TBC1D4: variants seen among roughly 807,000 people sequenced by gnomAD.
TBC1D4 encodes the protein TBC1 domain family member 4.
TBC1D4 carries 121 observed loss-of-function variants against 142.5 expected under a neutral mutation model. That is an observed-to-expected ratio of 0.85 (90% CI 0.73 to 0.99). The LOEUF (loss-of-function observed/expected upper bound fraction) is 0.99, where lower values mean the gene tolerates loss of function less well. Among genes scored for constraint, TBC1D4 ranks in the 50% least tolerant of loss-of-function variants. The pLI, the probability that TBC1D4 is intolerant of heterozygous loss-of-function variation, is 0.00. For missense variants in TBC1D4, 1,475 were observed against 1,606.6 expected, an observed-to-expected ratio of 0.92 and a Z score of 1.40; for synonymous variants, 630 against 628.2, an observed-to-expected ratio of 1.00 and a Z score of -0.04.
intron 4 of TBC1D4, among the ~76,000 whole-genome samples, chr13:75,354,121 A>G (rs1881841296): frequency 6.6e-6 from 1 of 152,252 alleles, no homozygotes; most frequent in African/African-American, 2.4e-5. Flanking sequence ...AGAGCTTGTA[A>G]GACGAACGAC....
chr13:75,453,202 A>T (rs890248188), intron 1 of TBC1D4, among the ~76,000 whole-genome samples: 2 of 151,806 alleles, frequency 1.3e-5, no homozygotes, highest in Admixed American at 6.6e-5. Context: ...TAAGATTTTT[A>T]GGTAGCATTT....
chr13:75,308,366 G>T (rs1436354025), intron 14 of TBC1D4, among the ~76,000 whole-genome samples: 1 of 152,122 alleles, frequency 6.6e-6, no homozygotes, highest in Non-Finnish European at 1.5e-5. Context: ...AATACTGTGG[G>T]GTGCTGGGGA....
chr13:75,408,933 T>C (rs1885466406), intron 1 of TBC1D4, among the ~76,000 whole-genome samples: 1 of 152,152 alleles, frequency 6.6e-6, no homozygotes. Flanking sequence ...TATTATTAAG[T>C]TGTAAAAATT....
chr13:75,344,300 A>C (rs184222177), intron 5 of TBC1D4, among the ~76,000 whole-genome samples: 85 of 152,394 alleles, frequency 5.6e-4, no homozygotes, highest in Admixed American at 2.3e-3. Flanking sequence ...AAAGAGGAAA[A>C]GAAAAATAAA....
At position 75,286,842 on chromosome 13, in the gene TBC1D4, C is replaced by CT; in HGVS notation, c.3846dup (p.Asp1283ArgfsTer7). The stretch of plus-strand genomic sequence containing the variant: ...TTGTTGTTAGGGTTGCAGTTTAGGT[C>CT]TCTCAGCAACAGGTCACAATTGACT... On this transcript the variant is annotated frameshift_variant, in exon 21 of 21. Transcript: ENST00000377636. LOFTEE classifies it high-confidence loss of function. 2 of 1,613,938 alleles carry CT rather than the reference C, an allele frequency of 1.2e-6. No homozygotes were observed. The highest frequency in any genetic ancestry group is 1.7e-6 in the Non-Finnish European group (2 of 1,179,966).
At chr13:75,393,011 C>A (rs1231139356) in intron 1 of TBC1D4, among the ~76,000 whole-genome samples, 2 of 151,896 alleles carry the variant, frequency 1.3e-5, no homozygotes, top group Non-Finnish European at 2.9e-5. Flanking sequence ...TGCTAGAATT[C>A]CAAATCCTAC....
chr13:75,316,795 GGTTT>G (rs953355821), intron 12 of TBC1D4, among the ~76,000 whole-genome samples: 18 of 151,896 alleles, frequency 1.2e-4, no homozygotes, highest in Admixed American at 5.9e-4. Context: ...TATTTCTTTT[GGTTT>G]GTTTGTTTGT....
Position 75,284,028 on chromosome 13 carries a change from A to G in TBC1D4, c.*2764T>C, listed in dbSNP as rs1016411732. The stretch of plus-strand genomic sequence containing the variant: ...TCAAACTATTCTCCAGCCTCCTATA[A>G]GTAGCAATATATGCCTCTCCTACTC... On this transcript the variant is annotated 3_prime_UTR_variant, in exon 21 of 21. Coordinates refer to ENST00000377636, the MANE Select transcript of TBC1D4 (RefSeq NM_014832.5). 1.3e-5 allele frequency among the ~76,000 whole-genome samples: 2 copies of G among 152,034 alleles called. No individual in the cohort carries two copies. The highest frequency in any genetic ancestry group is 2.9e-5 in the Non-Finnish European group (2 of 68,016).
chr13:75,305,468 C>T (rs1283210068), intron 15 of TBC1D4, among the ~76,000 whole-genome samples: 4 of 152,202 alleles, frequency 2.6e-5, no homozygotes, highest in African/African-American at 9.7e-5. Context: ...CCAAATAAAG[C>T]ATTCAGTAAA....
At chr13:75,322,756 G>A (rs760937860) in intron 11 of TBC1D4, among the ~76,000 whole-genome samples, 16 of 152,240 alleles carry the variant, frequency 1.1e-4, no homozygotes, top group Middle Eastern at 3.4e-3. Flanking sequence ...TCAGTAGGCC[G>A]TATTATAGAG....
At chr13:75,407,415 AGCAAT>A (rs748965938) in intron 1 of TBC1D4, among the ~76,000 whole-genome samples, 1 of 152,242 alleles carries the variant, frequency 6.6e-6, no homozygotes, top group Non-Finnish European at 1.5e-5. Flanking sequence ...AGATGGCCAC[AGCAAT>A]GGAAGCAAAA....
chr13:75,400,879 A>C (rs1311351427), intron 1 of TBC1D4, among the ~76,000 whole-genome samples: 36 of 152,142 alleles, frequency 2.4e-4, no homozygotes, highest in Admixed American at 2.4e-3. Context: ...CTCCAGCTTC[A>C]TGTGCAACCA....
intron 4 of TBC1D4, among the ~76,000 whole-genome samples, chr13:75,355,377 T>C (rs1336857811): frequency 2.0e-5 from 3 of 152,164 alleles, no homozygotes; most frequent in Non-Finnish European, 4.4e-5. Flanking sequence ...GAGTAAAAAC[T>C]TTGAGGGGAA....
At chr13:75,444,785 T>C (rs940990762) in intron 1 of TBC1D4, among the ~76,000 whole-genome samples, 29 of 152,218 alleles carry the variant, frequency 1.9e-4, no homozygotes, top group African/African-American at 6.0e-4. Flanking sequence ...AAATTCTGTG[T>C]TGGTGGTGTG....
intron 1 of TBC1D4, among the ~76,000 whole-genome samples, chr13:75,458,695 T>C (rs1328153900): frequency 6.6e-6 from 1 of 152,186 alleles, no homozygotes; most frequent in East Asian, 1.9e-4. Flanking sequence ...ATGACAAAAA[T>C]CCTAAACATT....
intron 7 of TBC1D4, among the ~76,000 whole-genome samples, chr13:75,340,276 TG>T (rs768662502): frequency 2.7e-4 from 41 of 152,240 alleles, no homozygotes; most frequent in Non-Finnish European, 5.7e-4. Context: ...AGATATAACC[TG>T]AATTAGTGTT....
intron 1 of TBC1D4, among the ~76,000 whole-genome samples, chr13:75,473,253 G>A (rs570017537): frequency 3.3e-5 from 5 of 151,982 alleles, no homozygotes; most frequent in African/African-American, 4.8e-5. Flanking sequence ...TGCTTGCTTC[G>A]GCCTCCCAAT....
intron 1 of TBC1D4, among the ~76,000 whole-genome samples, chr13:75,449,311 C>A (rs1443459678): frequency 6.6e-6 from 1 of 151,820 alleles, no homozygotes; most frequent in African/African-American, 2.4e-5. Flanking sequence ...TACACACACA[C>A]ACAATTTTTT....
chr13:75,301,278 A>T (rs1303973688), intron 16 of TBC1D4, among the ~76,000 whole-genome samples: 1 of 152,154 alleles, frequency 6.6e-6, no homozygotes, highest in African/African-American at 2.4e-5. Context: ...TTAGAGAAAA[A>T]TTAGAGACAA....
Sources: gnomAD v4.1 joint callset for allele counts (sites outside exome capture counted in the v4.1 genomes callset) on GRCh38, gnomAD v4.1.1 for gene constraint, MANE v1.5 for transcripts, NCBI Gene and HGNC (gene_info 2026-07-23, HGNC 2026-07-21) for gene names.